SAMMSON: variants seen among roughly 807,000 people sequenced by gnomAD.
SAMMSON encodes survival associated mitochondrial melanoma specific oncogenic non-coding RNA.
chr3:70,289,812 A>G (rs1308107277), intron 6 of SAMMSON, among the ~76,000 whole-genome samples: 1 of 151,632 alleles, frequency 6.6e-6, no homozygotes, highest in South Asian at 2.1e-4. Context: ...CATTCATTTC[A>G]TCTTCCATTG....
intron 4 of SAMMSON, chr3:70,183,652 T>C (rs1701070827): frequency 6.6e-6 from 1 of 152,192 alleles, no homozygotes; most frequent in South Asian, 2.1e-4. Flanking sequence ...TCCCCTGGGG[T>C]GTCCAAATTG....
chr3:70,053,007 A>T (rs1012796720), intron 3 of SAMMSON, among the ~76,000 whole-genome samples: 10 of 152,166 alleles, frequency 6.6e-5, no homozygotes, highest in African/African-American at 2.2e-4. Context: ...AAGACAAAAA[A>T]TGCGTAATAA....
At chr3:70,248,968 C>G (rs918000120) in intron 4 of SAMMSON, 1 of 152,092 alleles carries the variant, frequency 6.6e-6, no homozygotes, top group Admixed American at 6.6e-5. Context: ...CATTTTATTT[C>G]CTAGGGAGTT....
intron 6 of SAMMSON, among the ~76,000 whole-genome samples, chr3:70,283,030 A>G (rs955995496): frequency 1.3e-5 from 2 of 152,204 alleles, no homozygotes; most frequent in African/African-American, 4.8e-5. Flanking sequence ...TTACATCTCA[A>G]TCACAAGACG....
intron 9 of SAMMSON, chr3:70,358,447 AAG>A (rs1702845749): frequency 6.6e-6 from 1 of 152,192 alleles, no homozygotes; most frequent in Non-Finnish European, 1.5e-5. Context: ...GGCACGGTAT[AAG>A]AGTTAAAGGA....
intron 3 of SAMMSON, among the ~76,000 whole-genome samples, chr3:70,056,217 G>A (rs957109655): frequency 6.6e-6 from 1 of 152,020 alleles, no homozygotes; most frequent in East Asian, 1.9e-4. Flanking sequence ...CCATCACCAT[G>A]TGATTGTCCA....
At chr3:70,283,041 T>C (rs560172598) in intron 6 of SAMMSON, among the ~76,000 whole-genome samples, 222 of 152,292 alleles carry the variant, frequency 1.5e-3, no homozygotes, top group Admixed American at 3.0e-3. Flanking sequence ...TCACAAGACG[T>C]TGAGGCTAGT....
chr3:70,116,713 T>A (rs2067413205), intron 4 of SAMMSON, among the ~76,000 whole-genome samples: 1 of 152,100 alleles, frequency 6.6e-6, no homozygotes. Context: ...AACAGCATCA[T>A]GAATGAAGAA....
chr3:70,161,610 T>G (rs1409146093), intron 4 of SAMMSON, among the ~76,000 whole-genome samples: 1 of 151,990 alleles, frequency 6.6e-6, no homozygotes, highest in Non-Finnish European at 1.5e-5. Flanking sequence ...ATGAGGGATA[T>G]TGGTCTGTGG....
chr3:70,094,366 TATG>T (rs1218975956), intron 4 of SAMMSON, among the ~76,000 whole-genome samples: 1 of 152,158 alleles, frequency 6.6e-6, no homozygotes, highest in Non-Finnish European at 1.5e-5. Flanking sequence ...AAAATGCAAA[TATG>T]ATTACGTGAG....
At chr3:70,319,271 A>C (rs1448219046) in intron 7 of SAMMSON, among the ~76,000 whole-genome samples, 3 of 152,070 alleles carry the variant, frequency 2.0e-5, no homozygotes, top group Non-Finnish European at 2.9e-5. Flanking sequence ...TTCCTGCACT[A>C]TATTAGGAAA....
intron 4 of SAMMSON, among the ~76,000 whole-genome samples, chr3:70,078,651 T>C (rs1378868407): frequency 1.3e-5 from 2 of 152,294 alleles, no homozygotes; most frequent in East Asian, 3.9e-4. Flanking sequence ...TCTGCCCAAG[T>C]CCTTTACTTT....
chr3:70,166,875 G>A (rs999395711), intron 4 of SAMMSON, among the ~76,000 whole-genome samples: 6 of 151,886 alleles, frequency 4.0e-5, no homozygotes, highest in Non-Finnish European at 8.8e-5. Flanking sequence ...AGAGAATATT[G>A]GAGATAGGTG....
intron 9 of SAMMSON, among the ~76,000 whole-genome samples, chr3:70,364,777 C>A (rs774889502): frequency 6.6e-6 from 1 of 151,644 alleles, no homozygotes; most frequent in Non-Finnish European, 1.5e-5. Flanking sequence ...ACATTCTACA[C>A]CTTTTATGTT....
chr3:70,331,408 C>T (rs1270799043), intron 7 of SAMMSON, among the ~76,000 whole-genome samples: 3 of 152,152 alleles, frequency 2.0e-5, no homozygotes, highest in Admixed American at 2.0e-4. Context: ...TCTCTCTTAT[C>T]AGAACAAGAG....
chr3:70,270,537 A>G (rs1701966390), intron 6 of SAMMSON, among the ~76,000 whole-genome samples: 1 of 152,204 alleles, frequency 6.6e-6, no homozygotes, highest in Admixed American at 6.5e-5. Context: ...GTATGTATAT[A>G]CATGGCTGCT....
At chr3:70,065,102 G>A (rs991437637) in intron 3 of SAMMSON, 1 of 152,010 alleles carries the variant, frequency 6.6e-6, no homozygotes, top group Non-Finnish European at 1.5e-5. Flanking sequence ...CTTTTATCAA[G>A]TTTGTGTATC....
At chr3:70,290,601 C>T (rs938022158) in intron 6 of SAMMSON, among the ~76,000 whole-genome samples, 1 of 152,230 alleles carries the variant, frequency 6.6e-6, no homozygotes, top group Non-Finnish European at 1.5e-5. Flanking sequence ...GTTCGAGTTT[C>T]CGGGCTGTTT....
chr3:70,227,161 G>T (rs1360447889), intron 4 of SAMMSON, among the ~76,000 whole-genome samples: 1 of 152,160 alleles, frequency 6.6e-6, no homozygotes, highest in Non-Finnish European at 1.5e-5. Flanking sequence ...ACTACAACAA[G>T]ATCATATTTT....
Sources: gnomAD v4.1 joint callset for allele counts (sites outside exome capture counted in the v4.1 genomes callset) on GRCh38, gnomAD v4.1.1 for gene constraint, MANE v1.5 for transcripts, NCBI Gene and HGNC (gene_info 2026-07-23, HGNC 2026-07-21) for gene names.